The following ANO5 variants were observed in gnomAD, a reference collection of about 807,000 sequenced individuals.
The protein encoded by ANO5 is anoctamin 5, also known as anoctamin-5.
A neutral mutation model predicts 121.0 loss-of-function variants in ANO5; 109 were observed. The observed-to-expected ratio is 0.90, with a 90% confidence interval of 0.77 to 1.06. ANO5 has a LOEUF of 1.06. Ranked by LOEUF, ANO5 falls within the 50% of genes least tolerant of loss-of-function variation. The pLI is 0.00. For synonymous variants in ANO5, 406 were observed against 359.9 expected (o/e 1.13, Z -1.45); for missense variants, 1,064 against 1,078.5 (o/e 0.99, Z 0.19).
intron 21 of ANO5, 78 bp from the exon 22 acceptor site, chr11:22,279,461 TAAGTG>T (rs1854991510): frequency 8.4e-7 from 1 of 1,184,658 alleles, no homozygotes; most frequent in Non-Finnish European, 1.2e-6. Flanking sequence ...GTTTCTTAAA[TAAGTG>T]AAATGATTTG....
chr11:22,218,191 A>G (rs1294190885), intron 3 of ANO5, 55 bp from the exon 4 acceptor site: 11 of 1,601,280 alleles, frequency 6.9e-6, no homozygotes, highest in Non-Finnish European at 8.5e-6. Flanking sequence ...TTTTTTTGGA[A>G]TCTTTACTGT....
At chr11:22,218,864 G>C (rs1345781523) in intron 4 of ANO5, among the ~76,000 whole-genome samples, 1 of 151,934 alleles carries the variant, frequency 6.6e-6, no homozygotes, top group Non-Finnish European at 1.5e-5. Flanking sequence ...CACCCAGCTG[G>C]TAATTCAGGT....
At chr11:22,205,753 T>C (rs1246076793) in intron 2 of ANO5, among the ~76,000 whole-genome samples, 1 of 151,980 alleles carries the variant, frequency 6.6e-6, no homozygotes, top group Non-Finnish European at 1.5e-5. Flanking sequence ...CTGGGACATA[T>C]GTAACCAATA....
rs1029836158 is a variant in ANO5, at chr11:22,280,627, T to C, written c.*862T>C. On this transcript the variant is annotated 3_prime_UTR_variant, in exon 22 of 22. Transcript: ENST00000324559. ...TAATTTAGAAAATTGTTAAATTATT[T>C]CTTAAAAATCACTTTTCTTCTGGAA... is the stretch of plus-strand genomic sequence containing the variant. 3.3e-5 allele frequency: 5 copies of C among 152,040 alleles called. No homozygotes were observed. The highest frequency in any genetic ancestry group is 1.2e-4 in the African/African-American group (5 of 41,454). 9.4% of individuals were successfully genotyped at this position (152,040 alleles called of 1,614,324 possible). A position where few individuals can be genotyped will look rare whatever the true frequency, so the allele number is the denominator to read the frequency against.
chr11:22,199,590 A>G (rs1256566054), intron 1 of ANO5, among the ~76,000 whole-genome samples: 2 of 152,132 alleles, frequency 1.3e-5, no homozygotes, highest in East Asian at 3.8e-4. Context: ...CTTCTATTTC[A>G]TCTTAACATA....
intron 7 of ANO5, among the ~76,000 whole-genome samples, chr11:22,229,855 G>T (rs1250436451): frequency 6.6e-6 from 1 of 151,868 alleles, no homozygotes; most frequent in Non-Finnish European, 1.5e-5. Context: ...ATATTTGGGA[G>T]GTTAATGTAG....
At chr11:22,235,720 T>A (rs2133645578) in intron 7 of ANO5, among the ~76,000 whole-genome samples, 1 of 152,234 alleles carries the variant, frequency 6.6e-6, no homozygotes, top group African/African-American at 2.4e-5. Flanking sequence ...GGCTAATAAA[T>A]TCAGATATCA....
intron 12 of ANO5, among the ~76,000 whole-genome samples, chr11:22,253,546 A>G (rs1328248311): frequency 6.6e-6 from 1 of 152,164 alleles, no homozygotes; most frequent in Non-Finnish European, 1.5e-5. Flanking sequence ...CAAACAAGCA[A>G]ATATTAAAAT....
At chr11:22,249,785 A>G (rs1590281940) in intron 9 of ANO5, among the ~76,000 whole-genome samples, 1 of 152,128 alleles carries the variant, frequency 6.6e-6, no homozygotes, top group African/African-American at 2.4e-5. Flanking sequence ...GCGGTCAGAG[A>G]AATGTTTTCA....
chr11:22,241,890 A>G lies in ANO5; in HGVS notation c.878+2206A>G, dbSNP rs1283324395. Among the ~76,000 whole-genome samples, 2 of 152,028 alleles carry G rather than the reference A, an allele frequency of 1.3e-5. 1 individual carries two copies. Among genetic ancestry groups the G allele is most frequent in the African/African-American group, 4.8e-5 (2 of 41,398 alleles). On this transcript the variant is annotated intron_variant, in intron 9 of 21. Coordinates refer to ENST00000324559, the MANE Select transcript of ANO5 (RefSeq NM_213599.3). ...TGCTGTGCAGAAGCTCTTTAGTTTAATTAGGTCCCACTTGTCAATTATTTT... is the reference window on the plus strand; with the variant it reads ...TGCTGTGCAGAAGCTCTTTAGTTTAGTTAGGTCCCACTTGTCAATTATTTT...
In ANO5 at chr11:22,266,813, C is replaced by A. The variant is rs573417799; in HGVS notation, c.1899-3499C>A. Among the ~76,000 whole-genome samples, 80 of 152,060 alleles carry A rather than the reference C, an allele frequency of 5.3e-4. 1 individual carries two copies. The highest frequency in any genetic ancestry group is 1.9e-3 in the African/African-American group (80 of 41,502). On this transcript the variant is annotated intron_variant, in intron 17 of 21. Coordinates refer to ENST00000324559, the MANE Select transcript of ANO5 (RefSeq NM_213599.3). ...TCTTAGTTGTGGGGTGTGGGTTATCCTTTGGATTGTAAGATGTTTGACAGC... is the reference window on the plus strand; with the variant it reads ...TCTTAGTTGTGGGGTGTGGGTTATCATTTGGATTGTAAGATGTTTGACAGC...
rs765226837 is a variant in ANO5, at chr11:22,221,050, C to G, written c.181-47C>G. 7 of 1,381,714 alleles carry G rather than the reference C, an allele frequency of 5.1e-6. No homozygotes were observed. In the Admixed American group the frequency reaches 6.9e-5, roughly 14 times the overall value. The allele number at this position is 1,381,714 out of a possible 1,614,324, so 85.6% of individuals were successfully genotyped here. ...AATTCCTTTTGTGCTTTTGCCATTT[C>G]AGAATAAAACTATAATTTACAATTG... On this transcript the variant is annotated intron_variant, in intron 4 of 21. Transcript: ENST00000324559.
chr11:22,212,759 T>C (rs1298733127), intron 3 of ANO5, among the ~76,000 whole-genome samples: 1 of 151,808 alleles, frequency 6.6e-6, no homozygotes, highest in Non-Finnish European at 1.5e-5. Flanking sequence ...TGAGTGGTCA[T>C]TTAAATTTAT....
Position 22,262,284 on chromosome 11 carries a change from T to C in ANO5, c.1786T>C (p.Trp596Arg), listed in dbSNP as rs1159342132. The change falls in exon 16 of 22, where the codon TGG (tryptophan) becomes CGG (arginine). Residue 596 changes from tryptophan (W) to arginine (R), a missense_variant. Coordinates refer to ENST00000324559, the MANE Select transcript of ANO5 (RefSeq NM_213599.3). ...AAAATACACATATTTATTTAATGAG[T>C]GGAGAAGTGAAGAGGTAAGAATTTC... is the stretch of plus-strand genomic sequence containing the variant. The part of the protein sequence containing the change: ...PGKYTYLFNE[W>R]RSEECDPGGC... 3.1e-6 allele frequency: 5 copies of C among 1,613,566 alleles called. No homozygotes were observed. In the South Asian group the frequency reaches 5.5e-5, roughly 18 times the overall value.
chr11:22,258,544 A>C (rs1440726544), intron 14 of ANO5, among the ~76,000 whole-genome samples: 1 of 152,216 alleles, frequency 6.6e-6, no homozygotes, highest in African/African-American at 2.4e-5. Flanking sequence ...ATAGAAAGCC[A>C]TCTTTGTGCT....
At chr11:22,243,618 G>A (rs903862128) in intron 9 of ANO5, among the ~76,000 whole-genome samples, 2 of 150,526 alleles carry the variant, frequency 1.3e-5, no homozygotes, top group Non-Finnish European at 3.0e-5. Flanking sequence ...GTCTGTTTGG[G>A]TTTTTACTTT....
intron 7 of ANO5, 111 bp downstream of exon 7, chr11:22,227,697 G>A (rs1852891791): frequency 3.0e-6 from 4 of 1,346,300 alleles, no homozygotes; most frequent in South Asian, 2.5e-5. Context: ...CTTCTGTATA[G>A]GATATAAGCA....
chr11:22,270,653 A>T (rs1854577436), intron 18 of ANO5, among the ~76,000 whole-genome samples: 1 of 152,192 alleles, frequency 6.6e-6, no homozygotes, highest in Non-Finnish European at 1.5e-5. Context: ...GCTTCAAAAC[A>T]CCAATCTCAG....
At chr11:22,204,876 T>G (rs946995745) in intron 2 of ANO5, among the ~76,000 whole-genome samples, 1 of 152,106 alleles carries the variant, frequency 6.6e-6, no homozygotes, top group Non-Finnish European at 1.5e-5. Flanking sequence ...AAATCATTCT[T>G]TTTTAAAGAC....
Sources: allele counts gnomAD v4.1 joint callset (sites outside exome capture counted in the v4.1 genomes callset), GRCh38; gene constraint gnomAD v4.1.1; transcripts MANE v1.5; gene names NCBI Gene and HGNC (gene_info 2026-07-23, HGNC 2026-07-21).